Variants in ZNF536 observed in about 807,000 individuals in gnomAD.
ZNF536 encodes zinc finger protein 536.
A neutral mutation model predicts 84.5 loss-of-function variants in ZNF536; 13 were observed. The ratio of observed to expected loss-of-function variants is 0.15; its 90% CI spans 0.10 to 0.24. ZNF536 has a LOEUF of 0.24. ZNF536 is among the 10% of genes least tolerant of loss of function. The pLI, the probability that ZNF536 is intolerant of heterozygous loss-of-function variation, is 1.00. For synonymous variants in ZNF536, 811 were observed against 742.5 expected (o/e 1.09, Z -1.50); for missense variants, 1,536 against 1,747.5 (o/e 0.88, Z 2.16).
chr19:30,398,957 G>T (rs996894056), intron 1 of ZNF536, among the ~76,000 whole-genome samples: 7 of 152,106 alleles, frequency 4.6e-5, no homozygotes, highest in African/African-American at 1.2e-4. Flanking sequence ...GGGTCAAATG[G>T]GATTTCTAGT....
At chr19:30,615,858 A>T (rs2048276229) in intron 1 of ZNF536, among the ~76,000 whole-genome samples, 1 of 151,702 alleles carries the variant, frequency 6.6e-6, no homozygotes, top group Admixed American at 6.6e-5. Context: ...TTCTGGGTAT[A>T]TTCTCTTCTC....
At chr19:30,397,694 T>C (rs2049878643) in intron 1 of ZNF536, among the ~76,000 whole-genome samples, 1 of 152,258 alleles carries the variant, frequency 6.6e-6, no homozygotes, top group Admixed American at 6.5e-5. Context: ...AATTGGCGTC[T>C]GTTAATTTGA....
rs78391025 is a variant in ZNF536, at chr19:30,605,160, G to A, written c.169+55646G>A. On this transcript the variant is annotated intron_variant, in intron 1 of 1. Transcript: ENST00000592773. ...GTAGGAAGGTAATAGTGGATGGTGCGAAATGCTTTTTTTGTTTGTTTTCTT... is the reference window on the plus strand; with the variant it reads ...GTAGGAAGGTAATAGTGGATGGTGCAAAATGCTTTTTTTGTTTGTTTTCTT... Among the ~76,000 whole-genome samples the A allele has an allele frequency of 5.4e-3, 824 of 152,228 alleles. 9 individuals carry two copies. The highest frequency in any genetic ancestry group is 0.018 in the African/African-American group (765 of 41,536).
chr19:30,696,305 C>T (rs1005825836), intron 1 of ZNF536, among the ~76,000 whole-genome samples: 2 of 152,166 alleles, frequency 1.3e-5, no homozygotes, highest in African/African-American at 4.8e-5. Flanking sequence ...TCCCCCACTC[C>T]AGCACTTCCA....
chr19:30,615,166 C>T (rs1160694097), intron 1 of ZNF536, among the ~76,000 whole-genome samples: 2 of 149,890 alleles, frequency 1.3e-5, no homozygotes, highest in Non-Finnish European at 3.0e-5. Context: ...AGGATGGTCT[C>T]GATCTCCTGA....
chr19:30,523,472 T>C (rs1326167328), intron 2 of ZNF536, among the ~76,000 whole-genome samples: 1 of 152,168 alleles, frequency 6.6e-6, no homozygotes, highest in Non-Finnish European at 1.5e-5. Context: ...AACTTGGTTT[T>C]GACCTGGGGC....
At chr19:30,394,583 C>T (rs2049735997) in intron 1 of ZNF536, among the ~76,000 whole-genome samples, 1 of 152,160 alleles carries the variant, frequency 6.6e-6, no homozygotes, top group South Asian at 2.1e-4. Flanking sequence ...ACCACCATGC[C>T]CTCCACACTG....
chr19:30,420,549 T>G (rs982323280), intron 1 of ZNF536, among the ~76,000 whole-genome samples: 1 of 152,222 alleles, frequency 6.6e-6, no homozygotes, highest in Admixed American at 6.5e-5. Context: ...CTGCTTCTTG[T>G]GTGTTAATTA....
intron 2 of ZNF536, among the ~76,000 whole-genome samples, chr19:30,451,277 G>C (rs2052595650): frequency 6.6e-6 from 1 of 152,268 alleles, no homozygotes; most frequent in Non-Finnish European, 1.5e-5. Context: ...GATCGCCGTT[G>C]CTCTCAGATG....
intron 1 of ZNF536, among the ~76,000 whole-genome samples, chr19:30,602,382 T>C (rs2047720425): frequency 6.6e-6 from 1 of 152,232 alleles, no homozygotes; most frequent in African/African-American, 2.4e-5. Flanking sequence ...AAGTTGCTAC[T>C]TTTGTGCAGC....
chr19:30,283,049 C>T (rs888433772), intron 1 of ZNF536, among the ~76,000 whole-genome samples: 1 of 152,194 alleles, frequency 6.6e-6, no homozygotes, highest in Admixed American at 6.5e-5. Flanking sequence ...GCCAGTGGTT[C>T]AATCAGTACA....
chr19:30,348,520 C>T (rs1328463336), intron 2 of ZNF536, among the ~76,000 whole-genome samples: 1 of 152,220 alleles, frequency 6.6e-6, no homozygotes, highest in Non-Finnish European at 1.5e-5. Context: ...TGGGTCCCCT[C>T]AACAAGTCTT....
intron 2 of ZNF536, among the ~76,000 whole-genome samples, chr19:30,301,502 G>A (rs548866532): frequency 1.3e-5 from 2 of 152,280 alleles, no homozygotes; most frequent in South Asian, 2.1e-4. Flanking sequence ...TGCACATTCC[G>A]TGTTCACAGT....
rs143355159 is a variant in ZNF536 at position 30,373,501 on chromosome 19, A to T, written c.-3+945A>T. On this transcript the variant is annotated intron_variant, in intron 1 of 4. Transcript: ENST00000355537. ...TGTCAAAGAAATAAGAACAACAACA[A>T]CAAAAATGTTGGTATCTTTTAGAAT... Among the ~76,000 whole-genome samples, 114 of 152,364 alleles carry T rather than the reference A, an allele frequency of 7.5e-4. 1 individual carries two copies. The East Asian group carries it at 0.016, about 22-fold the overall frequency.
At chr19:30,419,880 C>T (rs1391741428) in intron 1 of ZNF536, among the ~76,000 whole-genome samples, 1 of 152,208 alleles carries the variant, frequency 6.6e-6, no homozygotes, top group Middle Eastern at 3.2e-3. Context: ...CATCAGCAAC[C>T]CGGGAAGCTC....
At chr19:30,638,133 G>A (rs941660517) in intron 1 of ZNF536, among the ~76,000 whole-genome samples, 1 of 152,108 alleles carries the variant, frequency 6.6e-6, no homozygotes, top group Non-Finnish European at 1.5e-5. Context: ...CTGGTCTCTG[G>A]GAAACACTAA....
At chr19:30,384,893 G>T (rs952166458) in intron 1 of ZNF536, among the ~76,000 whole-genome samples, 15 of 152,196 alleles carry the variant, frequency 9.9e-5, no homozygotes, top group Middle Eastern at 3.4e-3. Context: ...AGGCGTGGTG[G>T]CATAGCCTGT....
intron 2 of ZNF536, among the ~76,000 whole-genome samples, chr19:30,483,554 T>G (rs1011591676): frequency 8.5e-6 from 1 of 117,496 alleles, no homozygotes; most frequent in Non-Finnish European, 1.6e-5. Flanking sequence ...CTCACACCCC[T>G]TGGAGACCCC....
At chr19:30,638,549 C>G (rs1250788099) in intron 1 of ZNF536, among the ~76,000 whole-genome samples, 1 of 152,178 alleles carries the variant, frequency 6.6e-6, no homozygotes, top group Non-Finnish European at 1.5e-5. Flanking sequence ...CTCACTGTCA[C>G]AAGAACATTA....
Sources: allele counts gnomAD v4.1 joint callset (sites outside exome capture counted in the v4.1 genomes callset), GRCh38; gene constraint gnomAD v4.1.1; transcripts MANE v1.5; gene names NCBI Gene and HGNC (gene_info 2026-07-23, HGNC 2026-07-21).